HORMAD2: variants seen among roughly 807,000 people sequenced by gnomAD.
HORMAD2 encodes the protein HORMA domain-containing protein 2.
In HORMAD2, 45 loss-of-function variants were observed where a neutral mutation model predicts 38.8. The observed-to-expected ratio is 1.16, with a 90% CI of 0.91 to 1.49. HORMAD2 has a LOEUF of 1.49. HORMAD2 is among the 40% of genes most tolerant of loss of function. The pLI is 0.00. For missense variants in HORMAD2, 338 were observed against 367.0 expected (o/e 0.92, Z 0.65); for synonymous variants, 126 against 122.8 (o/e 1.03, Z -0.17).
At chr22:30,185,435 G>A in the HORMAD2 span, among the ~76,000 whole-genome samples, 1 of 152,228 alleles carries the variant, frequency 6.6e-6, no homozygotes, top group Non-Finnish European at 1.5e-5. Context: ...AGTATATAAA[G>A]CAATCATTTG....
chr22:30,200,649 G>C, the HORMAD2 span, among the ~76,000 whole-genome samples: 2 of 151,724 alleles, frequency 1.3e-5, no homozygotes, highest in Non-Finnish European at 2.9e-5. Flanking sequence ...TTGATCAAGG[G>C]GGGTGGTGGT....
chr22:30,194,181 G>T, the HORMAD2 span, among the ~76,000 whole-genome samples: 10 of 152,208 alleles, frequency 6.6e-5, no homozygotes, highest in Non-Finnish European at 1.2e-4. Context: ...GGAGATACTA[G>T]CGCCACCAAC....
At chr22:30,138,159 C>A (rs1439434533) in intron 10 of HORMAD2, among the ~76,000 whole-genome samples, 4 of 151,942 alleles carry the variant, frequency 2.6e-5, no homozygotes, top group Non-Finnish European at 5.9e-5. Context: ...TCTCTAATGA[C>A]TAATGATGTC....
chr22:30,203,251 T>C, the HORMAD2 span, among the ~76,000 whole-genome samples: 218 of 151,928 alleles, frequency 1.4e-3, no homozygotes, highest in Non-Finnish European at 2.3e-3. Flanking sequence ...AAAAATTAGC[T>C]GGGAGTGGCG....
intron 3 of HORMAD2, among the ~76,000 whole-genome samples, chr22:30,100,021 A>G (rs1920932170): frequency 6.6e-6 from 1 of 152,234 alleles, no homozygotes; most frequent in Non-Finnish European, 1.5e-5. Context: ...AAAGTAAATT[A>G]TAGATTCAAT....
At chr22:30,109,760 A>G (rs894345162) in intron 5 of HORMAD2, among the ~76,000 whole-genome samples, 1 of 152,236 alleles carries the variant, frequency 6.6e-6, no homozygotes, top group Non-Finnish European at 1.5e-5. Flanking sequence ...CTTTATAGAC[A>G]TATAAGATGT....
chr22:30,127,247 C>T (rs1006474003), intron 10 of HORMAD2, among the ~76,000 whole-genome samples: 8 of 117,948 alleles, frequency 6.8e-5, no homozygotes, highest in Admixed American at 4.6e-4. Context: ...CTCGCTCTGT[C>T]GCCCAGGCTG....
At chr22:30,178,641 C>G (rs766906593), downstream of HORMAD2, among the ~76,000 whole-genome samples, 8 of 152,144 alleles carry the variant, frequency 5.3e-5, no homozygotes, top group Non-Finnish European at 1.2e-4. Flanking sequence ...ACAAGTGCAT[C>G]AAGGAGCTGA....
chr22:30,202,442 T>A, the HORMAD2 span, among the ~76,000 whole-genome samples: 55 of 142,406 alleles, frequency 3.9e-4, no homozygotes, highest in African/African-American at 7.5e-4. Flanking sequence ...GGAATGGATT[T>A]AAAAAAAAAA....
intron 1 of HORMAD2, among the ~76,000 whole-genome samples, chr22:30,083,164 G>A (rs1362178889): frequency 6.6e-6 from 1 of 152,180 alleles, no homozygotes; most frequent in East Asian, 1.9e-4. Flanking sequence ...CTACTTAGGA[G>A]GCTGAGGTGG....
chr22:30,095,866 A>G (rs561976709), intron 2 of HORMAD2, among the ~76,000 whole-genome samples: 1 of 152,148 alleles, frequency 6.6e-6, no homozygotes, highest in Non-Finnish European at 1.5e-5. Flanking sequence ...CGAACTTAAC[A>G]CATTGTTATA....
chr22:30,169,250 T>G (rs1401230675), intron 10 of HORMAD2, among the ~76,000 whole-genome samples: 1 of 152,164 alleles, frequency 6.6e-6, no homozygotes, highest in Non-Finnish European at 1.5e-5. Flanking sequence ...CTCTGTAACC[T>G]GTTTGTTTCC....
At chr22:30,201,069 G>A in the HORMAD2 span, among the ~76,000 whole-genome samples, 3 of 152,090 alleles carry the variant, frequency 2.0e-5, no homozygotes, top group South Asian at 6.2e-4. Flanking sequence ...TTCTTTTACA[G>A]TTCTGAAGGC....
At chr22:30,153,901 C>T (rs1924911187) in intron 10 of HORMAD2, among the ~76,000 whole-genome samples, 1 of 152,218 alleles carries the variant, frequency 6.6e-6, no homozygotes, top group Non-Finnish European at 1.5e-5. Context: ...CTCACTATCT[C>T]ACTGCTACCA....
At chr22:30,177,515 T>C (rs1319063568), downstream of HORMAD2, among the ~76,000 whole-genome samples, 1 of 152,166 alleles carries the variant, frequency 6.6e-6, no homozygotes, top group East Asian at 1.9e-4. Flanking sequence ...GAAAGCCTGC[T>C]CTGCCACTGA....
In HORMAD2 at chr22:30,107,749, CAAAT is replaced by C. The variant is rs554068125; in HGVS notation, c.294+3333_294+3336del. Reference sequence around the variant, plus strand: ...TGGGCGACAGAGCGAAACTTCATCTCAAATAAATAAATAAATAAATAAATGAAAA... The same window carrying C: ...TGGGCGACAGAGCGAAACTTCATCTCAAATAAATAAATAAATAAATGAAAA... On this transcript the variant is annotated intron_variant, in intron 5 of 10. Transcript: ENST00000336726. Among the ~76,000 whole-genome samples, 7 of 151,540 alleles carry C rather than the reference CAAAT, an allele frequency of 4.6e-5. No individual in the cohort carries two copies. In the South Asian group the frequency reaches 6.3e-4, roughly 14 times the overall value.
intron 10 of HORMAD2, among the ~76,000 whole-genome samples, chr22:30,130,083 T>C (rs1406392369): frequency 1.3e-5 from 2 of 152,176 alleles, no homozygotes; most frequent in Non-Finnish European, 2.9e-5. Flanking sequence ...AGAAAGTTTA[T>C]AAATTTTTGA....
At chr22:30,079,739 G>A (rs2068435499), upstream of HORMAD2, among the ~76,000 whole-genome samples, 1 of 152,014 alleles carries the variant, frequency 6.6e-6, no homozygotes, top group African/African-American at 2.4e-5. Context: ...GAGTGCAATG[G>A]CGGAATCTCG....
intron 2 of HORMAD2, among the ~76,000 whole-genome samples, chr22:30,097,902 A>G (rs913841982): frequency 8.5e-5 from 13 of 152,234 alleles, no homozygotes; most frequent in African/African-American, 2.9e-4. Context: ...CGGTCAAGCC[A>G]GTGGCAGTGA....
Sources: gnomAD v4.1 joint callset for allele counts (sites outside exome capture counted in the v4.1 genomes callset) on GRCh38, gnomAD v4.1.1 for gene constraint, MANE v1.5 for transcripts, NCBI Gene and HGNC (gene_info 2026-07-23, HGNC 2026-07-21) for gene names.